The following VARS1 variants were observed in gnomAD, a reference collection of about 807,000 sequenced individuals.
VARS1 encodes the protein valyl-tRNA synthetase 1, also known as valine--tRNA ligase.
A neutral mutation model predicts 161.0 loss-of-function variants in VARS1; 92 were observed. The ratio of observed to expected loss-of-function variants is 0.57; its 90% confidence interval spans 0.48 to 0.68. The LOEUF is 0.68. VARS1 is among the 30% of genes least tolerant of loss of function. The pLI, the probability that VARS1 is intolerant of heterozygous loss-of-function variation, is 0.00. For missense variants in VARS1, 1,338 were observed against 1,695.9 expected (o/e 0.79, Z 3.71); for synonymous variants, 595 against 682.5 (o/e 0.87, Z 2.00).
chr6:31,794,920 C>A lies in VARS1; in HGVS notation c.298G>T (p.Val100Phe). 6.2e-7 allele frequency: 1 copy of A among 1,612,904 alleles called. No individual in the cohort carries two copies. Among genetic ancestry groups the A allele is most frequent in the Non-Finnish European group, 8.5e-7 (1 of 1,179,962 alleles). ...ATTAACTCCGTGTCGGCGTAACTGACCCACTGTTGGACAAGGACAGCCGCC... is the reference window on the plus strand; with the variant it reads ...ATTAACTCCGTGTCGGCGTAACTGAACCACTGTTGGACAAGGACAGCCGCC... Reference protein sequence around the residue: ...SRAAVLVQQWVSYADTELIPA... With the variant: ...SRAAVLVQQWFSYADTELIPA... The change falls in exon 2 of 30, where the codon GTC (valine) becomes TTC (phenylalanine). Residue 100 changes from valine to phenylalanine, a missense_variant. Physicochemically the swap from Val to Phe is conservative, Grantham distance 50. Coordinates refer to ENST00000375663, the MANE Select transcript of VARS1 (RefSeq NM_006295.3).
chr6:31,794,219 T>C (rs1289343709), intron 2 of VARS1, among the ~76,000 whole-genome samples: 1 of 152,166 alleles, frequency 6.6e-6, no homozygotes, highest in Non-Finnish European at 1.5e-5. Context: ...GACTCTATTG[T>C]AGATAGGGTG....
In VARS1 at chr6:31,782,544, C is replaced by T; in HGVS notation, c.1977G>A (p.Val659=). 2 of 1,613,052 alleles carry T rather than the reference C, an allele frequency of 1.2e-6. No homozygotes were observed. The highest frequency in any genetic ancestry group is 2.7e-5 in the African/African-American group (2 of 75,062). The change falls in exon 16 of 30, where the codon GTG becomes GTA. Residue 659 remains valine, a synonymous_variant. Coordinates refer to ENST00000375663, the MANE Select transcript of VARS1 (RefSeq NM_006295.3). The surrounding 1 kb of genome is among the most constrained non-coding windows in gnomAD (Gnocchi z 8.3). The part of the protein sequence containing the change: ...LFRGIEDNPM[V]VPLCNRSKDV... Reference sequence around the variant, plus strand: ...CCCACCCTCACTTGCAAAGTGGCACCACCATGGGGTTGTCCTCAATGCCAC... The same window carrying T: ...CCCACCCTCACTTGCAAAGTGGCACTACCATGGGGTTGTCCTCAATGCCAC...
chr6:31,794,885 G>A lies in VARS1; in HGVS notation c.333C>T (p.Ala111=). Residue 111 remains alanine, a synonymous_variant, in exon 2 of 30, where the codon GCC becomes GCT. Transcript: ENST00000375663. ...CCAGGGCCGGCAGCGTTGCTCCACAGGCAGCTGGTATTAACTCCGTGTCGG... is the reference window on the plus strand; with the variant it reads ...CCAGGGCCGGCAGCGTTGCTCCACAAGCAGCTGGTATTAACTCCGTGTCGG... ...SYADTELIPA[A]CGATLPALGL... 1 of 1,612,290 alleles carries A rather than the reference G, an allele frequency of 6.2e-7. No homozygotes were observed. The highest frequency in any genetic ancestry group is 8.5e-7 in the Non-Finnish European group (1 of 1,179,576).
At position 31,795,020 on chromosome 6, in the gene VARS1, C is replaced by T. The variant is rs1425326475; in HGVS notation, c.198G>A (p.Gly66=). ...CAGCCGTGGCCCCCCACACCCAGAG[C>T]CCACCGGGCCCCTGCTCCAGGGCCG... is the stretch of plus-strand genomic sequence containing the variant. ...RLPALEQGPG[G]LWVWGATAVA... is the part of the protein sequence containing the mutation. The change falls in exon 2 of 30, where the codon GGG becomes GGA. Residue 66 remains glycine (G), a synonymous_variant. Coordinates refer to ENST00000375663, the MANE Select transcript of VARS1 (RefSeq NM_006295.3). This position sits in a 1 kb window ranked among gnomAD's most constrained non-coding sequence, Gnocchi z 6.9. The T allele has an allele frequency of 1.9e-6, 3 of 1,579,502 alleles. No individual in the cohort carries two copies. The highest frequency in any genetic ancestry group is 1.7e-6 in the Non-Finnish European group (2 of 1,160,460).
At chr6:31,786,914 A>G (rs1360959296) in intron 8 of VARS1, among the ~76,000 whole-genome samples, 1 of 152,002 alleles carries the variant, frequency 6.6e-6, no homozygotes, top group African/African-American at 2.4e-5. Context: ...ATAGTCACAA[A>G]AAGAAACTTT....
rs762774819 is a variant in VARS1, at chr6:31,795,100, T to C, written c.118A>G (p.Ile40Val). 8 of 1,488,044 alleles carry C rather than the reference T, an allele frequency of 5.4e-6. No homozygotes were observed. The South Asian group carries it at 1.1e-4, about 20-fold the overall frequency. 92.2% of individuals were successfully genotyped at this position (1,488,044 alleles called of 1,614,324 possible). The change falls in exon 2 of 30, where the codon ATC (isoleucine) becomes GTC (valine). Residue 40 changes from isoleucine to valine, a missense_variant. By Grantham distance (29) the Ile-to-Val change is conservative. Around this residue, in one of 3 missense-constraint regions of VARS1, gnomAD observed 902 missense variants for 1,090.3 expected, o/e 0.83. Coordinates refer to ENST00000375663, the MANE Select transcript of VARS1 (RefSeq NM_006295.3). This position sits in a 1 kb window ranked among gnomAD's most constrained non-coding sequence, Gnocchi z 6.9. The stretch of plus-strand genomic sequence containing the variant: ...CTAGTCGGGGGTGGCTGGAGACAGA[T>C]GCGGGGGTGGGCTCCTCCCCATCCG... ...GPGWGGAHPR[I>V]CLQPPPTSRT...
rs1813922364 is a variant in VARS1 at position 31,792,257 on chromosome 6, G to A, written c.831C>T (p.Val277=). The change falls in exon 6 of 30, where the codon GTC becomes GTT. Residue 277 remains valine, a synonymous_variant. Transcript: ENST00000375663. ...GTGGGGTTGGGAGGTCATAGGTAAT[G>A]ACCCCAGGATCCCGTTTCTCCCTCT... ...PEKREKRDPG[V]ITYDLPTPPG... The A allele has an allele frequency of 1.2e-6, 2 of 1,613,852 alleles. No individual in the cohort carries two copies. Among genetic ancestry groups the A allele is most frequent in the Non-Finnish European group, 1.7e-6 (2 of 1,180,006 alleles).
Position 31,780,402 on chromosome 6 carries a change from T to C in VARS1, c.2925+39A>G. On this transcript the variant is annotated intron_variant, in intron 25 of 29. Coordinates refer to ENST00000375663, the MANE Select transcript of VARS1 (RefSeq NM_006295.3). This position sits in a 1 kb window ranked among gnomAD's most constrained non-coding sequence, Gnocchi z 5.1. Reference sequence around the variant, plus strand: ...CTGCTCCGGACAGGGGTACAGCCTGTGTGAGTGCTGCCAGCTTTGCTGCCC... The same window carrying C: ...CTGCTCCGGACAGGGGTACAGCCTGCGTGAGTGCTGCCAGCTTTGCTGCCC... The C allele has an allele frequency of 1.3e-6, 2 of 1,600,002 alleles. No homozygotes were observed. The highest frequency in any genetic ancestry group is 2.3e-5 in the South Asian group (2 of 88,128).
Position 31,781,805 on chromosome 6 carries a change from G to GC in VARS1, c.2347+41dup, listed in dbSNP as rs543561819. 57 of 1,612,916 alleles carry GC rather than the reference G, an allele frequency of 3.5e-5. No individual in the cohort carries two copies. In the African/African-American group the frequency reaches 4.3e-4, roughly 12 times the overall value. On this transcript the variant is annotated intron_variant, in intron 19 of 29. Coordinates refer to ENST00000375663, the MANE Select transcript of VARS1 (RefSeq NM_006295.3). This position sits in a 1 kb window ranked among gnomAD's most constrained non-coding sequence, Gnocchi z 6.8. ...CAGAGGTCAGAGGGAGTGGAGCTCT[G>GC]CCCCCCACAACTCCCTCCAGACCCT...
In VARS1 at chr6:31,795,397, C is replaced by G; in HGVS notation, c.-33-147G>C. 2.2e-6 allele frequency: 1 copy of G among 460,920 alleles called. No homozygotes were observed. The highest frequency in any genetic ancestry group is 3.5e-6 in the Non-Finnish European group (1 of 283,016). The allele number at this position is 460,920 out of a possible 1,614,324, so 28.6% of individuals were successfully genotyped here. A position where few individuals can be genotyped will look rare whatever the true frequency, so the allele number is the denominator to read the frequency against. On this transcript the variant is annotated intron_variant, in intron 1 of 29. Coordinates refer to ENST00000375663, the MANE Select transcript of VARS1 (RefSeq NM_006295.3). The surrounding 1 kb of genome is among the most constrained non-coding windows in gnomAD (Gnocchi z 6.9). ...TCTGACCAGGCAGGCTGTCAGGAGC[C>G]GAGGACCTGGCTCTCAGAGGGGCAG...
Position 31,780,771 on chromosome 6 carries a change from G to C in VARS1, c.2731C>G (p.Pro911Ala). 6.2e-7 allele frequency: 1 copy of C among 1,614,198 alleles called. No individual in the cohort carries two copies. Among genetic ancestry groups the C allele is most frequent in the Non-Finnish European group, 8.5e-7 (1 of 1,180,022 alleles). ...GTGCCACATTCAGGAATCCCCGCTG[G>C]GAAGTCAGCTTTCTACAGGGAAGAG... ...KAKEGQKADF[P>A]AGIPECGTDA... Residue 911 changes from proline (P) to alanine (A), a missense_variant, in exon 24 of 30, where the codon CCA becomes GCA. By Grantham distance (27) the Pro-to-Ala change is conservative (BLOSUM62 -1). Around this residue, in one of 3 missense-constraint regions of VARS1, gnomAD observed 433 missense variants for 586.2 expected, o/e 0.74. Coordinates refer to ENST00000375663, the MANE Select transcript of VARS1 (RefSeq NM_006295.3). This position sits in a 1 kb window ranked among gnomAD's most constrained non-coding sequence, Gnocchi z 5.1.
At chr6:31,793,271 T>C in intron 2 of VARS1, 151 bp from the exon 3 acceptor site, 1 of 1,147,058 alleles carries the variant, frequency 8.7e-7, no homozygotes, top group Non-Finnish European at 1.2e-6. Flanking sequence ...ATAAAAATAC[T>C]TCTGGGCGGA....
chr6:31,795,300 A>G lies in VARS1; in HGVS notation c.-33-50T>C. ...AGACTGCGGGATCGAGGTGGGTCCT[A>G]TGTTTGAGTAGAGAGGGGACCCTCA... On this transcript the variant is annotated intron_variant, in intron 1 of 29. Transcript: ENST00000375663. This position sits in a 1 kb window ranked among gnomAD's most constrained non-coding sequence, Gnocchi z 6.9. 7.9e-7 allele frequency: 1 copy of G among 1,272,696 alleles called. No individual in the cohort carries two copies. Among genetic ancestry groups the G allele is most frequent in the Non-Finnish European group, 1.0e-6 (1 of 991,130 alleles). The allele number at this position is 1,272,696 out of a possible 1,614,324, so 78.8% of individuals were successfully genotyped here. A position where few individuals can be genotyped will look rare whatever the true frequency, so the allele number is the denominator to read the frequency against.
rs1178070671 is a variant in VARS1, at chr6:31,793,128, G to A, written c.388-8C>T. On this transcript the variant is annotated splice_polypyrimidine_tract_variant and splice_region_variant and intron_variant, in intron 2 of 29. Coordinates refer to ENST00000375663, the MANE Select transcript of VARS1 (RefSeq NM_006295.3). ...CAGGGCCCCCAGCACAGCCTGGCAG[G>A]AAGGGGAAGAAGTGTGAGACAAGGT... 3 of 1,580,202 alleles carry A rather than the reference G, an allele frequency of 1.9e-6. No homozygotes were observed. Among genetic ancestry groups the A allele is most frequent in the Non-Finnish European group, 2.6e-6 (3 of 1,170,872 alleles).
rs1255313985 is a variant in VARS1, at chr6:31,781,138, G to A, written c.2545-15C>T. On this transcript the variant is annotated splice_polypyrimidine_tract_variant and intron_variant, in intron 21 of 29. Coordinates refer to ENST00000375663, the MANE Select transcript of VARS1 (RefSeq NM_006295.3). This position sits in a 1 kb window ranked among gnomAD's most constrained non-coding sequence, Gnocchi z 6.8. ...TGGAGGTAGACCTGCAGAGCAGGTG[G>A]GGAGGCCCATGAGACTCAGTCCTCT... The A allele has an allele frequency of 6.2e-7, 1 of 1,611,546 alleles. No homozygotes were observed. Among genetic ancestry groups the A allele is most frequent in the Admixed American group, 1.7e-5 (1 of 59,998 alleles).
In VARS1 at chr6:31,780,608, C is replaced by T. The variant is rs374055574; in HGVS notation, c.2798-40G>A. 3.0e-5 allele frequency: 48 copies of T among 1,611,084 alleles called. No homozygotes were observed. The African/African-American group carries it at 6.1e-4, about 21-fold the overall frequency. On this transcript the variant is annotated intron_variant, in intron 24 of 29. Transcript: ENST00000375663. This position sits in a 1 kb window ranked among gnomAD's most constrained non-coding sequence, Gnocchi z 5.1. ...AGATGTGAGTCCTCATCACCCTCTTCCCAGCCCATGCCCACCAGAGGCTCA... is the reference window on the plus strand; with the variant it reads ...AGATGTGAGTCCTCATCACCCTCTTTCCAGCCCATGCCCACCAGAGGCTCA...
rs559643914 is a variant in VARS1 at position 31,785,641 on chromosome 6, C to A, written c.1193G>T (p.Arg398Leu). 1.2e-6 allele frequency: 2 copies of A among 1,612,992 alleles called. No individual in the cohort carries two copies. The highest frequency in any genetic ancestry group is 4.5e-5 in the East Asian group (2 of 44,888). Residue 398 changes from arginine (R) to leucine (L), a missense_variant, in exon 9 of 30, where the codon CGT becomes CTT. Coordinates refer to ENST00000375663, the MANE Select transcript of VARS1 (RefSeq NM_006295.3). This position sits in a 1 kb window ranked among gnomAD's most constrained non-coding sequence, Gnocchi z 6.1. ...CTGGTGCCGGCTCAGTCCCTGCTCA[C>A]GCCATAGCTTCTTCTCCACCACCAC... is the stretch of plus-strand genomic sequence containing the variant. ...TQVVVEKKLW[R>L]EQGLSRHQLG...
In VARS1 at chr6:31,791,120, C is replaced by T. The variant is rs1293007700; in HGVS notation, c.1100+490G>A. Among the ~76,000 whole-genome samples the T allele has an allele frequency of 2.0e-5, 3 of 151,868 alleles. No homozygotes were observed. Among genetic ancestry groups the T allele is most frequent in the African/African-American group, 4.8e-5 (2 of 41,326 alleles). Reference sequence around the variant, plus strand: ...GAGCCGAGATGGCGTCACTGCACTCCGGCCTGGGCAACAGAACAAGACTCT... The same window carrying T: ...GAGCCGAGATGGCGTCACTGCACTCTGGCCTGGGCAACAGAACAAGACTCT... On this transcript the variant is annotated intron_variant, in intron 8 of 29. Transcript: ENST00000375663. This position sits in a 1 kb window ranked among gnomAD's most constrained non-coding sequence, Gnocchi z 5.0.
At chr6:31,787,987 G>C (rs1283024581) in intron 8 of VARS1, among the ~76,000 whole-genome samples, 1 of 151,790 alleles carries the variant, frequency 6.6e-6, no homozygotes, top group Non-Finnish European at 1.5e-5. Context: ...AGGCGTGGTG[G>C]TGGGCTCCTA....
Sources: allele counts gnomAD v4.1 joint callset (sites outside exome capture counted in the v4.1 genomes callset), GRCh38; gene constraint gnomAD v4.1.1; regional missense constraint gnomAD v4.1.1; non-coding constraint Gnocchi (gnomAD v3.1); transcripts MANE v1.5; gene names NCBI Gene and HGNC (gene_info 2026-07-23, HGNC 2026-07-21).